The following HMGA2 variants were observed in gnomAD, a reference collection of about 807,000 sequenced individuals.
HMGA2 encodes high mobility group AT-hook 2.
Under a neutral mutation model 19.1 loss-of-function variants are expected in HMGA2, and 8 were observed. The ratio of observed to expected loss-of-function variants is 0.42; its 90% CI spans 0.25 to 0.76. The LOEUF is 0.76. Among genes scored for constraint, HMGA2 ranks in the 30% least tolerant of loss-of-function variants. HMGA2 has a pLI of 0.28. For missense variants in HMGA2, 109 were observed against 136.3 expected (o/e 0.80, Z 1.00); for synonymous variants, 60 against 48.8 (o/e 1.23, Z -0.96).
At chr12:65,851,429 C>G (rs1871458673) in intron 3 of HMGA2, 1 of 198,090 alleles carries the variant, frequency 5.0e-6, no homozygotes, top group Non-Finnish European at 1.1e-5. Flanking sequence ...GCCGGAGAAT[C>G]ACTTGAACCT....
intron 3 of HMGA2, chr12:65,866,774 A>C (rs1872437035): frequency 2.2e-6 from 1 of 453,788 alleles, no homozygotes; most frequent in South Asian, 1.6e-5. Flanking sequence ...AGCAGTGCCA[A>C]CTTTAAAAAA....
At chr12:65,941,825 T>C (rs1446187578) in intron 3 of HMGA2, among the ~76,000 whole-genome samples, 2 of 152,270 alleles carry the variant, frequency 1.3e-5, no homozygotes, top group African/African-American at 4.8e-5. Flanking sequence ...TTTCTGAGTA[T>C]TGATTCTAAA....
intron 3 of HMGA2, among the ~76,000 whole-genome samples, chr12:65,898,554 T>C (rs1443013545): frequency 6.6e-6 from 1 of 152,206 alleles, no homozygotes; most frequent in Non-Finnish European, 1.5e-5. Flanking sequence ...ATCGGTGTTA[T>C]CTGATATTCA....
At chr12:65,850,420 AT>A (rs1296631188) in intron 3 of HMGA2, among the ~76,000 whole-genome samples, 1 of 152,054 alleles carries the variant, frequency 6.6e-6, no homozygotes, top group Non-Finnish European at 1.5e-5. Context: ...CAAATGGGTT[AT>A]GTATATTATT....
chr12:65,855,454 T>TCA (rs1287271542), intron 3 of HMGA2, among the ~76,000 whole-genome samples: 113 of 100,602 alleles, frequency 1.1e-3, no homozygotes, highest in African/African-American at 4.0e-3. Flanking sequence ...TCTCTCTCTC[T>TCA]CTCTCACACA....
chr12:65,881,950 G>C, intron 3 of HMGA2: 1 of 700,566 alleles, frequency 1.4e-6, no homozygotes, highest in Non-Finnish European at 2.6e-6. Context: ...AATTGCGGGG[G>C]TTCCTCCGTA....
chr12:65,895,521 A>T lies in HMGA2; in HGVS notation c.250-55862A>T, dbSNP rs373568969. ...GAAAGATTTTGTTTCTCTAGGAAACATACTTAAAGAAGTATAGTAGACCTG... is the reference window on the plus strand; with the variant it reads ...GAAAGATTTTGTTTCTCTAGGAAACTTACTTAAAGAAGTATAGTAGACCTG... On this transcript the variant is annotated intron_variant, in intron 3 of 4. Coordinates refer to ENST00000403681, the MANE Select transcript of HMGA2 (RefSeq NM_003483.6). 1.6e-4 allele frequency among the ~76,000 whole-genome samples: 24 copies of T among 152,350 alleles called. 1 individual carries two copies. Among genetic ancestry groups the T allele is most frequent in the Middle Eastern group, 6.8e-3 (2 of 294 alleles).
chr12:65,917,285 T>A (rs1012311642), intron 3 of HMGA2, among the ~76,000 whole-genome samples: 6 of 152,068 alleles, frequency 3.9e-5, no homozygotes, highest in Non-Finnish European at 7.4e-5. Context: ...GCCGTGAGAA[T>A]GTTGAGAAGG....
intron 3 of HMGA2, among the ~76,000 whole-genome samples, chr12:65,907,819 A>G (rs927525205): frequency 6.6e-6 from 1 of 152,150 alleles, no homozygotes; most frequent in African/African-American, 2.4e-5. Flanking sequence ...TGCACTGGAT[A>G]GTAATGATGT....
chr12:65,933,981 T>C (rs1405005449), intron 3 of HMGA2, among the ~76,000 whole-genome samples: 2 of 152,116 alleles, frequency 1.3e-5, no homozygotes, highest in African/African-American at 4.8e-5. Context: ...GCCACAGAAC[T>C]CTTCTGTAAA....
intron 3 of HMGA2, among the ~76,000 whole-genome samples, chr12:65,942,298 C>T (rs1043239441): frequency 3.9e-5 from 6 of 152,192 alleles, no homozygotes; most frequent in Admixed American, 3.9e-4. Context: ...TTTTCCTGTG[C>T]TGGCTCTTAA....
chr12:65,963,232 T>TG lies in HMGA2; in HGVS notation c.283-13_283-12insG, dbSNP rs1565744207. On this transcript the variant is annotated splice_polypyrimidine_tract_variant and intron_variant, in intron 4 of 4. Coordinates refer to ENST00000403681, the MANE Select transcript of HMGA2 (RefSeq NM_003483.6). The stretch of plus-strand genomic sequence containing the variant: ...CGATTGAGCGTCATGGCTGTGCCCT[T>TG]TGTGTGTTCCAGGAGGAAACTGAAG... The TG allele has an allele frequency of 6.2e-7, 1 of 1,612,508 alleles. No individual in the cohort carries two copies.
intron 3 of HMGA2, among the ~76,000 whole-genome samples, chr12:65,931,778 AG>A (rs1441392240): frequency 8.5e-5 from 13 of 152,078 alleles, no homozygotes; most frequent in Admixed American, 7.2e-4. Flanking sequence ...CAAGAAATGA[AG>A]GTTTGTTTGA....
intron 4 of HMGA2, chr12:65,958,634 CAA>C (rs1017555663): frequency 1.3e-5 from 2 of 152,118 alleles, no homozygotes; most frequent in Non-Finnish European, 2.9e-5. Context: ...AGGACTGACT[CAA>C]GATACTCATG....
At position 65,958,658 on chromosome 12, in the gene HMGA2, C is replaced by T. The variant is rs539795673; in HGVS notation, c.283-4587C>T. On this transcript the variant is annotated intron_variant, in intron 4 of 4. Transcript: ENST00000403681. ...TCAAGATACTCATGAACGTGGAAAACTCCTAAATGTGTCATTCTGAGTTCC... is the reference window on the plus strand; with the variant it reads ...TCAAGATACTCATGAACGTGGAAAATTCCTAAATGTGTCATTCTGAGTTCC... 5 of 152,256 alleles carry T rather than the reference C, an allele frequency of 3.3e-5. 1 individual carries two copies. In the South Asian group the frequency reaches 8.3e-4, roughly 25 times the overall value. The allele number at this position is 152,256 out of a possible 1,614,324, so 9.4% of individuals were successfully genotyped here.
At position 65,965,126 on chromosome 12, in the gene HMGA2, T is replaced by C. The variant is rs1261857814; in HGVS notation, c.*1834T>C. 4 of 195,330 alleles carry C rather than the reference T, an allele frequency of 2.0e-5. No homozygotes were observed. The highest frequency in any genetic ancestry group is 1.2e-4 in the Admixed American group (2 of 16,440). 12.1% of individuals were successfully genotyped at this position (195,330 alleles called of 1,614,324 possible). On this transcript the variant is annotated 3_prime_UTR_variant, in exon 5 of 5. Transcript: ENST00000403681. ...TACATACTTTTGCAAAATAAGTAAA[T>C]AATAAATAAAATAAAAGCCAACCTT...
intron 3 of HMGA2, among the ~76,000 whole-genome samples, chr12:65,838,992 C>CTTTTTTT (rs1565703147): frequency 1.2e-4 from 11 of 89,446 alleles, no homozygotes; most frequent in African/African-American, 9.2e-4. Context: ...CTTTCTTTTT[C>CTTTTTTT]TTTTTCTTTT....
chr12:65,831,553 A>G (rs7964535), intron 2 of HMGA2, among the ~76,000 whole-genome samples: 21,364 of 151,830 alleles, frequency 0.14, 2,837 homozygotes, highest in African/African-American at 0.33. Context: ...CAGATCTAGG[A>G]AGCAAAGTGC....
At chr12:65,938,887 C>T (rs1413813246) in intron 3 of HMGA2, among the ~76,000 whole-genome samples, 1 of 152,064 alleles carries the variant, frequency 6.6e-6, no homozygotes, top group Admixed American at 6.6e-5. Flanking sequence ...CGGCCTCGAA[C>T]TCCTAGGTTC....
Sources: allele counts gnomAD v4.1 joint callset (sites outside exome capture counted in the v4.1 genomes callset), GRCh38; gene constraint gnomAD v4.1.1; transcripts MANE v1.5; gene names NCBI Gene and HGNC (gene_info 2026-07-23, HGNC 2026-07-21).